Variants in AGMAT observed in about 807,000 individuals in gnomAD.
AGMAT encodes the protein agmatinase (putative).
In AGMAT, 37 loss-of-function variants were observed where a neutral mutation model predicts 29.3. That is an observed-to-expected ratio of 1.26 (90% CI 0.97 to 1.66). AGMAT has a LOEUF of 1.66. AGMAT is among the 40% of genes most tolerant of loss of function. The probability of loss-of-function intolerance (pLI) is 0.00; values close to 1 mark genes in which losing one functional copy is unlikely to be tolerated. For synonymous variants in AGMAT, 199 were observed against 200.8 expected, an observed-to-expected ratio of 0.99 and a Z score of 0.08; for missense variants, 498 against 497.8, an observed-to-expected ratio of 1.00 and a Z score of 0.00.
Position 15,574,775 on chromosome 1 carries a change from G to A in AGMAT, c.967C>T (p.Pro323Ser), listed in dbSNP as rs1639008051. The A allele has an allele frequency of 1.9e-6, 3 of 1,613,710 alleles. No homozygotes were observed. The highest frequency in any genetic ancestry group is 2.2e-5 in the East Asian group (1 of 44,886). ...TACTCACCAGAAAGATCATACGGTG[G>A]TGAAACTTCGACAAGATCACAGCCC... ...VMGCDLVEVS[P>S]PYDLSGNTAL... The change falls in exon 6 of 7, where the codon CCA becomes TCA. Residue 323 changes from proline to serine, a missense_variant. Pro to Ser is a moderately conservative substitution (Grantham distance 74). Coordinates refer to ENST00000375826, the MANE Select transcript of AGMAT (RefSeq NM_024758.5).
At chr1:15,580,642 C>T (rs1639100842) in intron 2 of AGMAT, among the ~76,000 whole-genome samples, 1 of 152,154 alleles carries the variant, frequency 6.6e-6, no homozygotes. Flanking sequence ...CGTGCCACTG[C>T]ACTCCAACCT....
chr1:15,584,316 CT>C (rs111795327), intron 1 of AGMAT, among the ~76,000 whole-genome samples: 1 of 150,036 alleles, frequency 6.7e-6, no homozygotes, highest in South Asian at 2.1e-4. Flanking sequence ...CTTTTTTTTT[CT>C]TTTTTTTGTA....
chr1:15,577,929 C>G, intron 4 of AGMAT, 65 bp from the exon 5 acceptor site: 3 of 1,511,724 alleles, frequency 2.0e-6, no homozygotes, highest in Non-Finnish European at 2.7e-6. Flanking sequence ...GTTTGCCAGC[C>G]CCATGCTCAG....
intron 2 of AGMAT, among the ~76,000 whole-genome samples, chr1:15,581,291 G>C (rs1323647650): frequency 6.6e-6 from 1 of 152,098 alleles, no homozygotes; most frequent in Non-Finnish European, 1.5e-5. Context: ...CAAGGTTGCA[G>C]CGAGCCATGT....
chr1:15,577,656 C>A (rs372789038), intron 5 of AGMAT, 29 bp downstream of exon 5: 2 of 1,589,870 alleles, frequency 1.3e-6, no homozygotes, highest in African/African-American at 2.7e-5. Context: ...TCTCCACCCC[C>A]AGGATCTTCA....
At chr1:15,577,914 T>A in intron 4 of AGMAT, 50 bp from the exon 5 acceptor site, 1 of 1,572,636 alleles carries the variant, frequency 6.4e-7, no homozygotes, top group Non-Finnish European at 8.7e-7. Flanking sequence ...TACAGGGCAT[T>A]TCCTGTTTGC....
At position 15,584,940 on chromosome 1, in the gene AGMAT, C is replaced by G. The variant is rs914510096; in HGVS notation, c.28G>C (p.Ala10Pro). 13 of 1,363,712 alleles carry G rather than the reference C, an allele frequency of 9.5e-6. No homozygotes were observed. The highest frequency in any genetic ancestry group is 1.5e-5 in the African/African-American group (1 of 65,264). 84.5% of individuals were successfully genotyped at this position (1,363,712 alleles called of 1,614,324 possible). A position where few individuals can be genotyped will look rare whatever the true frequency, so the allele number is the denominator to read the frequency against. The change falls in exon 1 of 7, where the codon GCC becomes CCC. Residue 10 changes from alanine to proline, a missense_variant. Physicochemically the swap from Ala to Pro is conservative, Grantham distance 27. Transcript: ENST00000375826. MLRLLASGCARGPGPGVGAR... is the reference protein window; with the variant it reads MLRLLASGCPRGPGPGVGAR... ...CCCACGCCGGGCCCCGGGCCCCGGGCGCACCCGGACGCCAGCAGCCTCAGC... is the reference window on the plus strand; with the variant it reads ...CCCACGCCGGGCCCCGGGCCCCGGGGGCACCCGGACGCCAGCAGCCTCAGC...
intron 1 of AGMAT, 45 bp from the exon 2 acceptor site, chr1:15,583,440 TTCA>T: frequency 6.4e-7 from 1 of 1,571,114 alleles, no homozygotes; most frequent in Non-Finnish European, 8.7e-7. Context: ...CTGCAGAGAT[TTCA>T]GGCTTTGCTT....
rs759393278 is a variant in AGMAT, at chr1:15,573,678, A to G, written c.1032T>C (p.Cys344=). The change falls in exon 7 of 7, where the codon TGT becomes TGC. Residue 344 remains cysteine (C), a synonymous_variant. Coordinates refer to ENST00000375826, the MANE Select transcript of AGMAT (RefSeq NM_024758.5). The part of the protein sequence containing the change: ...LAANLLFEML[C]ALPKVTTV ...AGACGGTTGTCACTTTGGGGAGAGC[A>G]CATAGCATCTCAAACAGCAGGTTAG... is the stretch of plus-strand genomic sequence containing the variant. 1.2e-6 allele frequency: 2 copies of G among 1,614,232 alleles called. No individual in the cohort carries two copies. The highest frequency in any genetic ancestry group is 1.1e-5 in the South Asian group (1 of 91,090).
At chr1:15,580,201 CTTTTTT>C (rs34166013) in intron 2 of AGMAT, 59 bp from the exon 3 acceptor site, 169 of 568,668 alleles carry the variant, frequency 3.0e-4, no homozygotes, top group Middle Eastern at 1.0e-3. Flanking sequence ...ATAGAATAAT[CTTTTTT>C]TTTTTTTTTT....
chr1:15,577,699 G>C lies in AGMAT; in HGVS notation c.886C>G (p.Leu296Val). ...AATCTCCTTACCTGACTAGGAGTGA[G>C]ACCAGCAATTTCAGGTGTCCCTGTC... is the stretch of plus-strand genomic sequence containing the variant. ...PGTGTPEIAG[L>V]TPSQALEIIR... The change falls in exon 5 of 7, where the codon CTC (leucine) becomes GTC (valine). Residue 296 changes from leucine to valine, a missense_variant. Leu to Val is a conservative substitution (Grantham distance 32). Coordinates refer to ENST00000375826, the MANE Select transcript of AGMAT (RefSeq NM_024758.5). The C allele has an allele frequency of 2.5e-6, 4 of 1,613,682 alleles. No individual in the cohort carries two copies. The South Asian group carries it at 3.3e-5, about 13-fold the overall frequency.
intron 2 of AGMAT, among the ~76,000 whole-genome samples, chr1:15,581,831 A>G (rs6676925): frequency 0.63 from 94,550 of 151,122 alleles, 30,589 homozygotes; most frequent in African/African-American, 0.79. Flanking sequence ...GCCAAGCGGG[A>G]CAACAAGAGC....
chr1:15,573,332 A>T lies in AGMAT; in HGVS notation c.*319T>A. 1 of 253,852 alleles carries T rather than the reference A, an allele frequency of 3.9e-6. No individual in the cohort carries two copies. The highest frequency in any genetic ancestry group is 7.7e-6 in the Non-Finnish European group (1 of 129,356). 15.7% of individuals were successfully genotyped at this position (253,852 alleles called of 1,614,324 possible). A position where few individuals can be genotyped will look rare whatever the true frequency, so the allele number is the denominator to read the frequency against. ...CAGTATTATTTCATAGTTTTTTTAAATGTCATGTTTCTAATGTTTAGATAA... is the reference window on the plus strand; with the variant it reads ...CAGTATTATTTCATAGTTTTTTTAATTGTCATGTTTCTAATGTTTAGATAA... On this transcript the variant is annotated 3_prime_UTR_variant, in exon 7 of 7. Coordinates refer to ENST00000375826, the MANE Select transcript of AGMAT (RefSeq NM_024758.5).
At chr1:15,580,704 G>A (rs1172373875) in intron 2 of AGMAT, among the ~76,000 whole-genome samples, 7 of 151,164 alleles carry the variant, frequency 4.6e-5, no homozygotes, top group Non-Finnish European at 1.0e-4. Context: ...TGCTGGGCAC[G>A]GTGGCTCATG....
chr1:15,581,036 G>A (rs995464567), intron 2 of AGMAT, among the ~76,000 whole-genome samples: 3 of 151,776 alleles, frequency 2.0e-5, no homozygotes, highest in Non-Finnish European at 4.4e-5. Context: ...GACCAGCCTG[G>A]GCAACACAGC....
chr1:15,583,444 G>T, intron 1 of AGMAT, 49 bp from the exon 2 acceptor site: 1 of 1,560,168 alleles, frequency 6.4e-7, no homozygotes, highest in East Asian at 2.3e-5. Context: ...AGAGATTTCA[G>T]GCTTTGCTTA....
chr1:15,581,646 G>A lies in AGMAT; in HGVS notation c.476-1504C>T, dbSNP rs59943079. On this transcript the variant is annotated intron_variant, in intron 2 of 6. Transcript: ENST00000375826. ...TCCCAGCATTTTGGGAAGCTGAGGC[G>A]GCGGATCACCTGAGGTCAGGAGTTC... Among the ~76,000 whole-genome samples, 101 of 26,092 alleles carry A rather than the reference G, an allele frequency of 3.9e-3. 2 individuals are homozygous for A. The East Asian group carries it at 0.097, about 25-fold the overall frequency. 17.1% of individuals were successfully genotyped at this position (26,092 alleles called of 152,430 possible). A position where few individuals can be genotyped will look rare whatever the true frequency, so the allele number is the denominator to read the frequency against.
At chr1:15,582,932 A>G (rs1168188005) in intron 2 of AGMAT, among the ~76,000 whole-genome samples, 2 of 152,208 alleles carry the variant, frequency 1.3e-5, no homozygotes, top group Admixed American at 1.3e-4. Context: ...CAGGAAGTGG[A>G]GGTTGCAATG....
chr1:15,580,915 C>T (rs776419564), intron 2 of AGMAT, among the ~76,000 whole-genome samples: 5 of 152,092 alleles, frequency 3.3e-5, no homozygotes, highest in Non-Finnish European at 5.9e-5. Context: ...GCGGAGGTTG[C>T]GGTGAGCCAA....
Sources: gnomAD v4.1 joint callset for allele counts (sites outside exome capture counted in the v4.1 genomes callset) on GRCh38, gnomAD v4.1.1 for gene constraint, MANE v1.5 for transcripts, NCBI Gene and HGNC (gene_info 2026-07-23, HGNC 2026-07-21) for gene names.